The following YY1AP1 variants were observed in gnomAD, a reference collection of about 807,000 sequenced individuals.
The protein encoded by YY1AP1 is YY1 associated protein 1, also known as YY1-associated protein 1.
A neutral mutation model predicts 39.9 loss-of-function variants in YY1AP1; 43 were observed. The ratio of observed to expected loss-of-function variants is 1.08; its 90% CI spans 0.84 to 1.39. YY1AP1 has a LOEUF of 1.39. YY1AP1 is among the 40% of genes most tolerant of loss of function. YY1AP1 has a pLI of 0.00. For synonymous variants in YY1AP1, 292 were observed against 331.3 expected, an observed-to-expected ratio of 0.88 and a Z score of 1.29; for missense variants, 813 against 900.7, an observed-to-expected ratio of 0.90 and a Z score of 1.25.
Position 155,659,598 on chromosome 1 carries a change from C to G in YY1AP1, c.*59G>C. On this transcript the variant is annotated 3_prime_UTR_variant, in exon 11 of 11. Coordinates refer to ENST00000355499, the MANE Select transcript of YY1AP1 (RefSeq NM_139119.3). ...GGTTTCCTATTGGTTACACCCTATGCGCCACCAATCGGAGGCCGAAGTGAA... is the reference window on the plus strand; with the variant it reads ...GGTTTCCTATTGGTTACACCCTATGGGCCACCAATCGGAGGCCGAAGTGAA... 6.3e-7 allele frequency: 1 copy of G among 1,580,930 alleles called. No homozygotes were observed. Among genetic ancestry groups the G allele is most frequent in the Middle Eastern group, 1.7e-4 (1 of 5,974 alleles).
chr1:155,688,246 A>C (rs1282420294), intron 1 of YY1AP1, 45 bp from the exon 2 acceptor site: 2 of 1,609,792 alleles, frequency 1.2e-6, no homozygotes, highest in Non-Finnish European at 1.7e-6. Context: ...GGAGGGCTAA[A>C]GGGGCAAACT....
At chr1:155,669,365 G>A (rs1030767549) in intron 8 of YY1AP1, among the ~76,000 whole-genome samples, 2 of 152,132 alleles carry the variant, frequency 1.3e-5, no homozygotes, top group African/African-American at 4.8e-5. Context: ...ACTAATTCTT[G>A]TAGTGACTAC....
intron 8 of YY1AP1, 117 bp from the exon 9 acceptor site, chr1:155,668,894 C>T: frequency 6.8e-7 from 1 of 1,473,064 alleles, no homozygotes; most frequent in Non-Finnish European, 9.3e-7. Context: ...AACAAGGTCT[C>T]ACTCTGTCAC....
intron 5 of YY1AP1, among the ~76,000 whole-genome samples, chr1:155,675,608 G>T (rs927047207): frequency 3.3e-5 from 5 of 151,960 alleles, no homozygotes; most frequent in Non-Finnish European, 1.5e-5. Flanking sequence ...ACAGGTGTGA[G>T]CCACTGTGCC....
chr1:155,688,748 CA>C lies in YY1AP1; in HGVS notation c.-242del, dbSNP rs1653154919. On this transcript the variant is annotated 5_prime_UTR_variant, in exon 1 of 11. Transcript: ENST00000355499. ...GCACGGCCACCAACCGCCGCCAAAG[CA>C]GCCGCCGCCAGCACCCCCACCCTAC... 2 of 1,517,170 alleles carry C rather than the reference CA, an allele frequency of 1.3e-6. No individual in the cohort carries two copies. The highest frequency in any genetic ancestry group is 1.8e-6 in the Non-Finnish European group (2 of 1,138,844). 94.0% of individuals were successfully genotyped at this position (1,517,170 alleles called of 1,614,324 possible).
intron 2 of YY1AP1, among the ~76,000 whole-genome samples, chr1:155,683,336 A>T (rs1651782091): frequency 6.6e-6 from 1 of 151,846 alleles, no homozygotes; most frequent in South Asian, 2.1e-4. Flanking sequence ...TCTGAACCAA[A>T]ATGAGGTGGT....
At chr1:155,675,671 T>C (rs116387300) in intron 5 of YY1AP1, among the ~76,000 whole-genome samples, 1 of 151,264 alleles carries the variant, frequency 6.6e-6, no homozygotes, top group African/African-American at 2.4e-5. Flanking sequence ...TTGTCCAGGC[T>C]GCTTTTGAAC....
chr1:155,673,634 C>T (rs1181080147), intron 6 of YY1AP1, among the ~76,000 whole-genome samples: 1 of 152,104 alleles, frequency 6.6e-6, no homozygotes, highest in African/African-American at 2.4e-5. Context: ...GTCTCAACGT[C>T]CCAGGCTCAA....
Position 155,659,482 on chromosome 1 carries a change from A to G in YY1AP1, c.*175T>C. On this transcript the variant is annotated 3_prime_UTR_variant, in exon 11 of 11. Coordinates refer to ENST00000355499, the MANE Select transcript of YY1AP1 (RefSeq NM_139119.3). ...AGCAATAAAAGCACAGATTTATTGA[A>G]GCAAAAGTATATTCCACAGAGTGGG... 1.5e-6 allele frequency: 1 copy of G among 662,268 alleles called. No individual in the cohort carries two copies. Among genetic ancestry groups the G allele is most frequent in the Non-Finnish European group, 2.6e-6 (1 of 377,654 alleles). 41.0% of individuals were successfully genotyped at this position (662,268 alleles called of 1,614,324 possible).
Position 155,660,150 on chromosome 1 carries a change from G to A in YY1AP1, c.1760C>T (p.Thr587Ile). ...VNAAVAQSPQ[T>I]IPIATLLVNP... ...AACCAAGAGGGTGGCGATGGGAATA[G>A]TCTGGGGACTCTGGGCCACAGCCGC... The change falls in exon 11 of 11, where the codon ACT (threonine) becomes ATT (isoleucine). Residue 587 changes from threonine (T) to isoleucine (I), a missense_variant. Coordinates refer to ENST00000355499, the MANE Select transcript of YY1AP1 (RefSeq NM_139119.3). The A allele has an allele frequency of 1.2e-6, 2 of 1,614,244 alleles. No individual in the cohort carries two copies. The highest frequency in any genetic ancestry group is 2.7e-5 in the African/African-American group (2 of 75,068).
At chr1:155,661,679 G>A (rs1249759167) in intron 9 of YY1AP1, among the ~76,000 whole-genome samples, 7 of 152,122 alleles carry the variant, frequency 4.6e-5, no homozygotes, top group Non-Finnish European at 1.0e-4. Flanking sequence ...TTTTTGAGAC[G>A]GAGTCTTGCT....
Position 155,670,432 on chromosome 1 carries a change from C to A in YY1AP1, c.616G>T (p.Ala206Ser). 6.2e-7 allele frequency: 1 copy of A among 1,614,132 alleles called. No individual in the cohort carries two copies. The highest frequency in any genetic ancestry group is 8.5e-7 in the Non-Finnish European group (1 of 1,180,036). ...ACCTTGCTTGTGGCCAGGATCCAAGCCACTTGCTTTGGCAAACAGGGAAAT... is the reference window on the plus strand; with the variant it reads ...ACCTTGCTTGTGGCCAGGATCCAAGACACTTGCTTTGGCAAACAGGGAAAT... ...NEFPCLPKQV[A>S]WILATSKVFM... Residue 206 changes from alanine to serine, a missense_variant, in exon 8 of 11, where the codon GCT (alanine) becomes TCT (serine). Physicochemically the swap from Ala to Ser is moderately conservative, Grantham distance 99 (BLOSUM62 1). Transcript: ENST00000355499.
In YY1AP1 at chr1:155,687,997, C is replaced by T; in HGVS notation, c.-21+74G>A. 4.8e-6 allele frequency: 7 copies of T among 1,472,030 alleles called. No homozygotes were observed. The Admixed American group carries it at 6.6e-5, about 14-fold the overall frequency. 91.2% of individuals were successfully genotyped at this position (1,472,030 alleles called of 1,614,324 possible). Reference sequence around the variant, plus strand: ...GTCCAGGTCCGGGAGATGACAGTGGCTCCCAGAAAGCCCAGGATTCAATCG... The same window carrying T: ...GTCCAGGTCCGGGAGATGACAGTGGTTCCCAGAAAGCCCAGGATTCAATCG... On this transcript the variant is annotated intron_variant, in intron 2 of 10. Coordinates refer to ENST00000355499, the MANE Select transcript of YY1AP1 (RefSeq NM_139119.3).
chr1:155,685,566 T>C (rs1178270958), intron 2 of YY1AP1, among the ~76,000 whole-genome samples: 1 of 152,222 alleles, frequency 6.6e-6, no homozygotes, highest in African/African-American at 2.4e-5. Context: ...CTTCCCTTTT[T>C]ACCAAATACA....
chr1:155,680,512 GAATTCC>G (rs1212145958), intron 2 of YY1AP1, 56 bp from the exon 3 acceptor site: 17 of 1,423,164 alleles, frequency 1.2e-5, no homozygotes, highest in Non-Finnish European at 1.5e-5. Flanking sequence ...CAATATGGAG[GAATTCC>G]ATGTAGACAA....
At chr1:155,665,298 A>G (rs2149031706) in intron 9 of YY1AP1, among the ~76,000 whole-genome samples, 1 of 151,908 alleles carries the variant, frequency 6.6e-6, no homozygotes, top group Non-Finnish European at 1.5e-5. Context: ...AAAAAAAGCT[A>G]CTAGAATGTG....
chr1:155,661,003 T>G, intron 10 of YY1AP1, 90 bp from the exon 11 acceptor site: 1 of 1,597,802 alleles, frequency 6.3e-7, no homozygotes, highest in Non-Finnish European at 8.5e-7. Context: ...TGAGACAAGC[T>G]CAAGGCATCT....
chr1:155,684,337 T>G (rs929252619), intron 2 of YY1AP1, among the ~76,000 whole-genome samples: 2 of 152,154 alleles, frequency 1.3e-5, no homozygotes, highest in Admixed American at 6.5e-5. Flanking sequence ...TGCACATATA[T>G]GCACACTACA....
intron 7 of YY1AP1, chr1:155,671,018 A>G (rs997068735): frequency 3.2e-5 from 5 of 156,012 alleles, no homozygotes; most frequent in African/African-American, 1.2e-4. Flanking sequence ...AGTAAAACAA[A>G]CACTTAAAAA....
Sources: allele counts gnomAD v4.1 joint callset (sites outside exome capture counted in the v4.1 genomes callset), GRCh38; gene constraint gnomAD v4.1.1; transcripts MANE v1.5; gene names NCBI Gene and HGNC (gene_info 2026-07-23, HGNC 2026-07-21).